The following MGAT4A variants were observed in gnomAD, a reference collection of about 807,000 sequenced individuals.
MGAT4A encodes N-acetylglucosaminyltransferase IVa.
Under a neutral mutation model 74.1 loss-of-function variants are expected in MGAT4A, and 33 were observed. The ratio of observed to expected loss-of-function variants is 0.45; its 90% confidence interval spans 0.34 to 0.60. The LOEUF (loss-of-function observed/expected upper bound fraction) is 0.60. Ranked by LOEUF, MGAT4A falls within the 20% of genes least tolerant of loss-of-function variation. MGAT4A has a pLI of 0.02. For synonymous variants in MGAT4A, 198 were observed against 210.4 expected, an observed-to-expected ratio of 0.94 and a Z score of 0.51; for missense variants, 479 against 628.3, an observed-to-expected ratio of 0.76 and a Z score of 2.54.
rs1701097032 is a variant in MGAT4A at position 98,623,718 on chromosome 2, C to T, written c.*1848G>A. 1.3e-5 allele frequency: 13 copies of T among 985,262 alleles called. No homozygotes were observed. The highest frequency in any genetic ancestry group is 1.6e-5 in the Non-Finnish European group (13 of 829,912). 61.0% of individuals were successfully genotyped at this position (985,262 alleles called of 1,614,324 possible). The stretch of plus-strand genomic sequence containing the variant: ...GAAAAGTAACTAAAAATTATAACAA[C>T]ATGGAGTGATGGAAATAATTGTACT... On this transcript the variant is annotated 3_prime_UTR_variant, in exon 16 of 16. Coordinates refer to ENST00000393487, the MANE Select transcript of MGAT4A (RefSeq NM_012214.3).
chr2:98,726,035 G>T, intron 2 of MGAT4A: 1 of 474,484 alleles, frequency 2.1e-6, no homozygotes, highest in South Asian at 5.1e-5. Flanking sequence ...ATAAGAAACT[G>T]AAAACAAAAC....
In MGAT4A at chr2:98,625,073, A is replaced by G; in HGVS notation, c.*493T>C. The G allele has an allele frequency of 1.0e-6, 1 of 974,196 alleles. No homozygotes were observed. Among genetic ancestry groups the G allele is most frequent in the Non-Finnish European group, 1.2e-6 (1 of 819,402 alleles). 60.3% of individuals were successfully genotyped at this position (974,196 alleles called of 1,614,324 possible). On this transcript the variant is annotated 3_prime_UTR_variant, in exon 16 of 16. Coordinates refer to ENST00000393487, the MANE Select transcript of MGAT4A (RefSeq NM_012214.3). ...TTTTCAAAAAAAGTATCGATTCAAA[A>G]ATCTACTGCACAAAAATATGTACTT...
intron 2 of MGAT4A, among the ~76,000 whole-genome samples, chr2:98,685,764 G>C (rs547047130): frequency 4.3e-4 from 66 of 152,290 alleles, no homozygotes; most frequent in South Asian, 1.0e-3. Context: ...TTAAAACACA[G>C]AATTCTGGAC....
chr2:98,683,014 G>A lies in MGAT4A; in HGVS notation c.95-4543C>T, dbSNP rs532110021. Among the ~76,000 whole-genome samples the A allele has an allele frequency of 2.6e-5, 4 of 152,146 alleles. No homozygotes were observed. In the East Asian group the frequency reaches 7.7e-4, roughly 29 times the overall value. ...GAGGCAGGAGAATGGCGTGAACCCA[G>A]GAGGCGGAGGTTGCAGTGAGCCGAG... On this transcript the variant is annotated intron_variant, in intron 2 of 15. Coordinates refer to ENST00000393487, the MANE Select transcript of MGAT4A (RefSeq NM_012214.3).
At chr2:98,649,341 C>T (rs967647674) in intron 8 of MGAT4A, among the ~76,000 whole-genome samples, 1 of 152,152 alleles carries the variant, frequency 6.6e-6, no homozygotes, top group Non-Finnish European at 1.5e-5. Flanking sequence ...ATTCCCCACA[C>T]GAGACACAGA....
chr2:98,631,853 G>A (rs1424780219), intron 14 of MGAT4A, among the ~76,000 whole-genome samples: 1 of 151,192 alleles, frequency 6.6e-6, no homozygotes, highest in Non-Finnish European at 1.5e-5. Flanking sequence ...GGTGCGGTGG[G>A]TCACGCCTGT....
rs1374623181 is a variant in MGAT4A, at chr2:98,640,190, G to A, written c.1059C>T (p.Arg353=). ...CDRQKANLRI[R]FRPSLFQHVG... ...CATGTTGGAAAAGGGAAGGTCTGAA[G>A]CGAATTCGCAGATTTGCTTTCTGTC... Residue 353 remains arginine (R), a synonymous_variant, in exon 11 of 16, where the codon CGC becomes CGT. Coordinates refer to ENST00000393487, the MANE Select transcript of MGAT4A (RefSeq NM_012214.3). 3 of 1,614,068 alleles carry A rather than the reference G, an allele frequency of 1.9e-6. No individual in the cohort carries two copies. The Admixed American group carries it at 5.0e-5, about 27-fold the overall frequency.
At chr2:98,698,617 TA>T (rs1433515989) in intron 2 of MGAT4A, among the ~76,000 whole-genome samples, 2 of 152,276 alleles carry the variant, frequency 1.3e-5, no homozygotes, top group South Asian at 2.1e-4. Flanking sequence ...CTTACATTTC[TA>T]AATGGAAACC....
intron 2 of MGAT4A, among the ~76,000 whole-genome samples, chr2:98,721,727 G>C (rs1434409624): frequency 6.6e-6 from 1 of 151,874 alleles, no homozygotes; most frequent in African/African-American, 2.4e-5. Flanking sequence ...ATTCTGTTGA[G>C]AGACTACTAA....
intron 2 of MGAT4A, among the ~76,000 whole-genome samples, chr2:98,687,436 G>A (rs1004332595): frequency 7.2e-5 from 11 of 152,062 alleles, no homozygotes; most frequent in Non-Finnish European, 1.0e-4. Flanking sequence ...ACTAACAAGC[G>A]TGTCCTCTTA....
chr2:98,709,121 T>C (rs1482432777), intron 2 of MGAT4A, among the ~76,000 whole-genome samples: 3 of 152,172 alleles, frequency 2.0e-5, no homozygotes, highest in Non-Finnish European at 4.4e-5. Context: ...CTGAGTGTCT[T>C]CATGTCAAAC....
At position 98,620,621 on chromosome 2, in the gene MGAT4A, T is replaced by C. The variant is rs1375334584; in HGVS notation, c.*4945A>G. On this transcript the variant is annotated 3_prime_UTR_variant, in exon 16 of 16. Transcript: ENST00000393487. Reference sequence around the variant, plus strand: ...TTTGGCTGGCCCATACAGGATTTGATCTGTGCTAGATGATAAAAAGAGAAA... The same window carrying C: ...TTTGGCTGGCCCATACAGGATTTGACCTGTGCTAGATGATAAAAAGAGAAA... 6.6e-6 allele frequency: 1 copy of C among 152,208 alleles called. No homozygotes were observed. Among genetic ancestry groups the C allele is most frequent in the Non-Finnish European group, 1.5e-5 (1 of 68,040 alleles). The allele number at this position is 152,208 out of a possible 1,614,324, so 9.4% of individuals were successfully genotyped here.
chr2:98,660,311 C>T (rs1410228727), intron 5 of MGAT4A, among the ~76,000 whole-genome samples: 1 of 114,452 alleles, frequency 8.7e-6, no homozygotes, highest in Non-Finnish European at 1.8e-5. Context: ...AAGTGATCTA[C>T]AGATTCAATG....
intron 2 of MGAT4A, among the ~76,000 whole-genome samples, chr2:98,702,622 A>C (rs1335423425): frequency 6.6e-6 from 1 of 152,194 alleles, no homozygotes; most frequent in African/African-American, 2.4e-5. Flanking sequence ...CGCACTCGCA[A>C]ACAGCTTGCA....
In MGAT4A at chr2:98,624,054, C is replaced by T; in HGVS notation, c.*1512G>A. 3.1e-6 allele frequency: 3 copies of T among 982,780 alleles called. No individual in the cohort carries two copies. Among genetic ancestry groups the T allele is most frequent in the Non-Finnish European group, 3.6e-6 (3 of 827,568 alleles). 60.9% of individuals were successfully genotyped at this position (982,780 alleles called of 1,614,324 possible). ...TTGAGACGGAGTCTAGCTGTGTCGC[C>T]CAGGCTGGAGTGCAGTGGTGCGATC... On this transcript the variant is annotated 3_prime_UTR_variant, in exon 16 of 16. Transcript: ENST00000393487.
intron 8 of MGAT4A, among the ~76,000 whole-genome samples, chr2:98,649,733 C>A (rs752332816): frequency 3.9e-5 from 6 of 151,976 alleles, no homozygotes; most frequent in Non-Finnish European, 7.4e-5. Flanking sequence ...GAGGACATGG[C>A]CCCAGAAAAG....
chr2:98,719,122 C>G (rs1702630777), intron 2 of MGAT4A, among the ~76,000 whole-genome samples: 1 of 152,124 alleles, frequency 6.6e-6, no homozygotes, highest in Non-Finnish European at 1.5e-5. Context: ...AGTGTGGGAG[C>G]TAGCTTGCAG....
chr2:98,636,565 A>G lies in MGAT4A; in HGVS notation c.1353T>C (p.His451=), dbSNP rs1237998090. ...TTGTGTTTAGCAGAATATCTCCAGG[A>G]TGTTCTTGGTTGCCGCTATGGAACA... ...SYLFHSGNQE[H]PGDILLNTTV... The change falls in exon 13 of 16, where the codon CAT becomes CAC. Residue 451 remains histidine, a synonymous_variant. Coordinates refer to ENST00000393487, the MANE Select transcript of MGAT4A (RefSeq NM_012214.3). The G allele has an allele frequency of 3.7e-6, 6 of 1,613,846 alleles. No individual in the cohort carries two copies. The highest frequency in any genetic ancestry group is 1.6e-4 in the Middle Eastern group (1 of 6,082).
chr2:98,710,008 G>A (rs1702494397), intron 2 of MGAT4A, among the ~76,000 whole-genome samples: 1 of 152,150 alleles, frequency 6.6e-6, no homozygotes, highest in Non-Finnish European at 1.5e-5. Flanking sequence ...CTGAAAAGGA[G>A]AGTAGAGCAA....
Sources: gnomAD v4.1 joint callset for allele counts (sites outside exome capture counted in the v4.1 genomes callset) on GRCh38, gnomAD v4.1.1 for gene constraint, MANE v1.5 for transcripts, NCBI Gene and HGNC (gene_info 2026-07-23, HGNC 2026-07-21) for gene names.